Variants in CDC73 observed in about 807,000 individuals in gnomAD.
The protein encoded by CDC73 is parafibromin.
A neutral mutation model predicts 83.7 loss-of-function variants in CDC73; 21 were observed. The observed-to-expected ratio is 0.25, with a 90% CI of 0.18 to 0.36. The LOEUF (loss-of-function observed/expected upper bound fraction) is 0.36. Among genes scored for constraint, CDC73 ranks in the 10% least tolerant of loss-of-function variants. The pLI is 1.00. For missense variants in CDC73, 342 were observed against 653.3 expected, an observed-to-expected ratio of 0.52 and a Z score of 5.19; for synonymous variants, 224 against 212.9, an observed-to-expected ratio of 1.05 and a Z score of -0.45.
intron 10 of CDC73, among the ~76,000 whole-genome samples, chr1:193,156,409 A>T (rs1485625623): frequency 6.6e-6 from 1 of 152,218 alleles, no homozygotes; most frequent in Non-Finnish European, 1.5e-5. Context: ...CTTTCCTTTA[A>T]GATCTTTGCT....
intron 15 of CDC73, among the ~76,000 whole-genome samples, chr1:193,248,988 A>G (rs1243828193): frequency 6.6e-6 from 1 of 152,094 alleles, no homozygotes; most frequent in Non-Finnish European, 1.5e-5. Flanking sequence ...GTTTGAGAGG[A>G]TTAACTCCAA....
chr1:193,245,698 T>G (rs1677943222), intron 15 of CDC73, among the ~76,000 whole-genome samples: 1 of 152,152 alleles, frequency 6.6e-6, no homozygotes, highest in African/African-American at 2.4e-5. Flanking sequence ...GGTAGTTTTT[T>G]GAGAACTCTA....
At chr1:193,135,631 T>C (rs1194401110) in intron 5 of CDC73, 42 bp downstream of exon 5, 6 of 1,448,384 alleles carry the variant, frequency 4.1e-6, no homozygotes, top group Admixed American at 3.7e-5. Context: ...TATATTGTTA[T>C]TGAAATTGGG....
Position 193,122,133 on chromosome 1 carries a change from A to C in CDC73, c.-68A>C. On this transcript the variant is annotated 5_prime_UTR_variant, in exon 1 of 17. Transcript: ENST00000367435. ...GGAGGAGGAAGAGGGCGAGGCGACA[A>C]GAGAAGAAGGAGGCAGGCGCGGCGG... 6.6e-7 allele frequency: 1 copy of C among 1,512,182 alleles called. No individual in the cohort carries two copies. Among genetic ancestry groups the C allele is most frequent in the Non-Finnish European group, 9.2e-7 (1 of 1,089,058 alleles). The allele number at this position is 1,512,182 out of a possible 1,614,324, so 93.7% of individuals were successfully genotyped here. A position where few individuals can be genotyped will look rare whatever the true frequency, so the allele number is the denominator to read the frequency against.
chr1:193,210,004 C>T (rs564694058), intron 11 of CDC73, among the ~76,000 whole-genome samples: 14 of 152,078 alleles, frequency 9.2e-5, no homozygotes, highest in African/African-American at 2.2e-4. Flanking sequence ...AAATATTTAC[C>T]GAGACTATAT....
At chr1:193,166,208 C>T (rs1490007704) in intron 10 of CDC73, among the ~76,000 whole-genome samples, 1 of 152,046 alleles carries the variant, frequency 6.6e-6, no homozygotes, top group African/African-American at 2.4e-5. Flanking sequence ...TGCTCTGTCA[C>T]CCAGGCTGGA....
rs755393679 is a variant in CDC73 at position 193,150,292 on chromosome 1, A to AT, written c.829-5dup. The AT allele has an allele frequency of 1.1e-5, 17 of 1,576,636 alleles. No homozygotes were observed. In the African/African-American group the frequency reaches 1.1e-4, roughly 10 times the overall value. ...AATATTAACAAGTAACTCATAATTA[A>AT]TTTTTTTACAGGATCCCACTTTGCG... On this transcript the variant is annotated splice_polypyrimidine_tract_variant and intron_variant, in intron 8 of 16. Coordinates refer to ENST00000367435, the MANE Select transcript of CDC73 (RefSeq NM_024529.5).
At chr1:193,180,821 CAT>C (rs2103158712) in intron 10 of CDC73, 1 of 1,614,060 alleles carries the variant, frequency 6.2e-7, no homozygotes, top group Non-Finnish European at 8.5e-7. Context: ...GTTTTCATAA[CAT>C]ATGGAATATG....
intron 7 of CDC73, among the ~76,000 whole-genome samples, chr1:193,143,971 A>C (rs557842864): frequency 6.6e-6 from 1 of 151,900 alleles, no homozygotes; most frequent in African/African-American, 2.4e-5. Flanking sequence ...TTAGTGGGGC[A>C]TGGTGGCATG....
At chr1:193,188,359 G>T (rs138294332) in intron 10 of CDC73, among the ~76,000 whole-genome samples, 1,859 of 151,588 alleles carry the variant, frequency 0.012, 19 homozygotes, top group South Asian at 0.034. Flanking sequence ...CTGTGTTTTT[G>T]TTTTCTTTTT....
intron 10 of CDC73, among the ~76,000 whole-genome samples, chr1:193,176,188 G>A (rs540115622): frequency 6.6e-6 from 1 of 152,262 alleles, no homozygotes; most frequent in East Asian, 1.9e-4. Context: ...GTCAGTTTTT[G>A]TGGTTACTTT....
At chr1:193,132,768 A>G (rs1267531930) in intron 3 of CDC73, among the ~76,000 whole-genome samples, 1 of 151,938 alleles carries the variant, frequency 6.6e-6, no homozygotes, top group African/African-American at 2.4e-5. Context: ...AAGATTCTCT[A>G]TTCTTAAGCA....
In CDC73 at chr1:193,206,058, G is replaced by T. The variant is rs188626633; in HGVS notation, c.1030+2206G>T. Among the ~76,000 whole-genome samples the T allele has an allele frequency of 2.0e-5, 3 of 152,136 alleles. No individual in the cohort carries two copies. In the East Asian group the frequency reaches 5.8e-4, roughly 29 times the overall value. Reference sequence around the variant, plus strand: ...TTTTCTATTTTGCATTTTCATAAAAGAAGTTAGTATGTAAGGAAAGGGCTG... The same window carrying T: ...TTTTCTATTTTGCATTTTCATAAAATAAGTTAGTATGTAAGGAAAGGGCTG... On this transcript the variant is annotated intron_variant, in intron 11 of 16. Coordinates refer to ENST00000367435, the MANE Select transcript of CDC73 (RefSeq NM_024529.5).
At position 193,122,172 on chromosome 1, in the gene CDC73, C is replaced by A. The variant is rs60004315; in HGVS notation, c.-29C>A. 6.2e-7 allele frequency: 1 copy of A among 1,610,576 alleles called. No individual in the cohort carries two copies. Among genetic ancestry groups the A allele is most frequent in the Non-Finnish European group, 8.5e-7 (1 of 1,177,580 alleles). ...CAGGCGCGGCGGCAGCGGCGGCGCC[C>A]CGAGCCGGCGGAGGCGAGGGGGGGG... is the stretch of plus-strand genomic sequence containing the variant. On this transcript the variant is annotated 5_prime_UTR_variant, in exon 1 of 17. Coordinates refer to ENST00000367435, the MANE Select transcript of CDC73 (RefSeq NM_024529.5).
Position 193,251,770 on chromosome 1 carries a change from TTCTC to T in CDC73, c.*1060_*1063del, listed in dbSNP as rs1678046927. ...TTAACTTAGTGAAATATTTTACTAT[TTCTC>T]TACTTCAGACAAAATGTTGCATCCA... On this transcript the variant is annotated 3_prime_UTR_variant, in exon 17 of 17. Coordinates refer to ENST00000367435, the MANE Select transcript of CDC73 (RefSeq NM_024529.5). 1 of 231,872 alleles carries T rather than the reference TTCTC, an allele frequency of 4.3e-6. No homozygotes were observed. The highest frequency in any genetic ancestry group is 8.5e-6 in the Non-Finnish European group (1 of 117,004). 14.4% of individuals were successfully genotyped at this position (231,872 alleles called of 1,614,324 possible). A position where few individuals can be genotyped will look rare whatever the true frequency, so the allele number is the denominator to read the frequency against.
chr1:193,193,278 G>A (rs2103169967), intron 10 of CDC73, among the ~76,000 whole-genome samples: 1 of 152,318 alleles, frequency 6.6e-6, no homozygotes, highest in East Asian at 1.9e-4. Context: ...GTTGTGAGAT[G>A]CATCAATAGG....
chr1:193,127,484 G>A (rs986487890), intron 2 of CDC73, among the ~76,000 whole-genome samples: 1 of 152,102 alleles, frequency 6.6e-6, no homozygotes, highest in East Asian at 1.9e-4. Flanking sequence ...CACCAGCTCC[G>A]TCTTTAAGGT....
intron 13 of CDC73, among the ~76,000 whole-genome samples, chr1:193,227,516 C>T (rs1677585650): frequency 6.6e-6 from 1 of 151,886 alleles, no homozygotes; most frequent in Admixed American, 6.6e-5. Flanking sequence ...AACCTGAAGT[C>T]TGTTAGGGAG....
chr1:193,233,591 T>C (rs1216791913), intron 14 of CDC73, among the ~76,000 whole-genome samples: 1 of 152,232 alleles, frequency 6.6e-6, no homozygotes, highest in Non-Finnish European at 1.5e-5. Flanking sequence ...ACATTCCAAC[T>C]TCTGGAAAAC....
Sources: allele counts gnomAD v4.1 joint callset (sites outside exome capture counted in the v4.1 genomes callset), GRCh38; gene constraint gnomAD v4.1.1; transcripts MANE v1.5; gene names NCBI Gene and HGNC (gene_info 2026-07-23, HGNC 2026-07-21).